Variants in GPRC6A observed in about 807,000 individuals in gnomAD.
GPRC6A encodes G protein-coupled receptor family C group 6 member A.
In GPRC6A, 54 loss-of-function variants were observed where a neutral mutation model predicts 47.0. The ratio of observed to expected loss-of-function variants is 1.15; its 90% CI spans 0.92 to 1.44. GPRC6A has a LOEUF of 1.44. Among genes scored for constraint, GPRC6A ranks in the 40% most tolerant of loss-of-function variants. The probability of loss-of-function intolerance (pLI) is 0.00; values close to 1 mark genes in which losing one functional copy is unlikely to be tolerated. For synonymous variants in GPRC6A, 347 were observed against 377.1 expected (o/e 0.92, Z 0.93); for missense variants, 1,112 against 1,105.5 (o/e 1.01, Z -0.08).
At chr6:116,800,165 C>T (rs1042501639) in intron 4 of GPRC6A, among the ~76,000 whole-genome samples, 1 of 151,852 alleles carries the variant, frequency 6.6e-6, no homozygotes, top group Admixed American at 6.6e-5. Context: ...TAAAATGAGA[C>T]TAGTCAGCAG....
rs189122206 is a variant in GPRC6A, at chr6:116,798,500, T to C, written c.1548+2084A>G. 3.5e-4 allele frequency among the ~76,000 whole-genome samples: 53 copies of C among 152,208 alleles called. 2 individuals are homozygous for C. The highest frequency in any genetic ancestry group is 1.5e-3 in the South Asian group (7 of 4,810). On this transcript the variant is annotated intron_variant, in intron 4 of 5. Coordinates refer to ENST00000310357, the MANE Select transcript of GPRC6A (RefSeq NM_148963.4). The stretch of plus-strand genomic sequence containing the variant: ...AGGTTGTGTAGAATTTTTAAAGATA[T>C]GGCTTTTACTCTCAGAGAAATAGGA...
intron 5 of GPRC6A, among the ~76,000 whole-genome samples, chr6:116,793,939 G>T (rs1438148558): frequency 6.6e-6 from 1 of 152,192 alleles, no homozygotes; most frequent in Non-Finnish European, 1.5e-5. Flanking sequence ...AATTGATGAA[G>T]AATTAAAGTT....
intron 2 of GPRC6A, among the ~76,000 whole-genome samples, chr6:116,808,346 AGTT>A (rs1294871172): frequency 3.3e-5 from 5 of 152,114 alleles, no homozygotes; most frequent in African/African-American, 4.8e-5. Flanking sequence ...TGCATTAGCC[AGTT>A]GTTGTTAAAA....
intron 1 of GPRC6A, among the ~76,000 whole-genome samples, chr6:116,825,737 C>T (rs199747657): frequency 6.6e-6 from 1 of 151,700 alleles, no homozygotes; most frequent in Non-Finnish European, 1.5e-5. Flanking sequence ...GGAGCAACAA[C>T]AAAAAAGCCA....
intron 1 of GPRC6A, among the ~76,000 whole-genome samples, chr6:116,820,191 G>C (rs1773411424): frequency 6.6e-6 from 1 of 151,810 alleles, no homozygotes; most frequent in Non-Finnish European, 1.5e-5. Context: ...ACCAATAACA[G>C]GATCTGAAAT....
chr6:116,812,427 G>A (rs1330170161), intron 1 of GPRC6A, among the ~76,000 whole-genome samples: 1 of 152,070 alleles, frequency 6.6e-6, no homozygotes, highest in African/African-American at 2.4e-5. Context: ...ACAAGAAAGT[G>A]TAAAACAATG....
chr6:116,815,729 A>T (rs1313019247), intron 1 of GPRC6A, among the ~76,000 whole-genome samples: 4 of 152,264 alleles, frequency 2.6e-5, no homozygotes, highest in Non-Finnish European at 4.4e-5. Context: ...GAAACTATAC[A>T]AATCAGCAGA....
At chr6:116,818,058 C>G (rs1383204708) in intron 1 of GPRC6A, among the ~76,000 whole-genome samples, 1 of 152,128 alleles carries the variant, frequency 6.6e-6, no homozygotes, top group Non-Finnish European at 1.5e-5. Context: ...TCGAGAAGAG[C>G]AACTCCAAGA....
At chr6:116,812,773 T>G (rs745941802) in intron 1 of GPRC6A, among the ~76,000 whole-genome samples, 4 of 152,036 alleles carry the variant, frequency 2.6e-5, no homozygotes, top group South Asian at 4.1e-4. Context: ...TCAGGCAAGA[T>G]AAAGAAATAA....
intron 2 of GPRC6A, among the ~76,000 whole-genome samples, chr6:116,808,772 G>A (rs909592859): frequency 6.6e-6 from 1 of 152,102 alleles, no homozygotes; most frequent in Non-Finnish European, 1.5e-5. Context: ...GAAAGCCAAA[G>A]AGACTTAATT....
Position 116,806,964 on chromosome 6 carries a change from G to A in GPRC6A, c.741C>T (p.Ala247=), listed in dbSNP as rs772421989. 7.7e-5 allele frequency: 125 copies of A among 1,613,538 alleles called. 2 individuals carry two copies. In the South Asian group the frequency reaches 1.3e-3, roughly 16 times the overall value. The change falls in exon 3 of 6, where the codon GCC becomes GCT. Residue 247 remains alanine (A), a synonymous_variant. Coordinates refer to ENST00000310357, the MANE Select transcript of GPRC6A (RefSeq NM_148963.4). ...CTTCAATGGTATTATCTGAAAGAAA[G>A]GCTGGAAGAACCTCTTTGAAGGCTA... is the stretch of plus-strand genomic sequence containing the variant. ...VCIAFKEVLP[A]FLSDNTIEVR...
chr6:116,803,296 G>C (rs1379263310), intron 3 of GPRC6A, among the ~76,000 whole-genome samples: 1 of 151,886 alleles, frequency 6.6e-6, no homozygotes, highest in Non-Finnish European at 1.5e-5. Flanking sequence ...TTACCAAATT[G>C]GTGTTTCTTC....
chr6:116,823,691 C>G (rs534355922), intron 1 of GPRC6A, among the ~76,000 whole-genome samples: 2 of 152,094 alleles, frequency 1.3e-5, no homozygotes, highest in East Asian at 3.9e-4. Flanking sequence ...ATACCTGAGA[C>G]TTAGTAATTT....
intron 1 of GPRC6A, among the ~76,000 whole-genome samples, chr6:116,821,074 CAGAG>C (rs1385088072): frequency 2.7e-5 from 4 of 149,362 alleles, no homozygotes; most frequent in African/African-American, 9.8e-5. Context: ...AACAGACAAA[CAGAG>C]AGCCAAATCA....
intron 1 of GPRC6A, among the ~76,000 whole-genome samples, chr6:116,822,891 TAAAAAAAAAAAA>T (rs757893318): frequency 1.7e-5 from 2 of 117,510 alleles, no homozygotes; most frequent in Non-Finnish European, 3.5e-5. Context: ...TACTAGTCTC[TAAAAAAAAAAAA>T]AAAAAAGAAA....
rs1772954541 is a variant in GPRC6A, at chr6:116,809,442, TG to T, written c.369del (p.Arg124GlufsTer21). On this transcript the variant is annotated frameshift_variant, in exon 2 of 6. Transcript: ENST00000310357. LOFTEE classifies it high-confidence loss of function. ...TLRFLSKFNC[S>X]RETVEFKCDY... Reference sequence around the variant, plus strand: ...TCACACTTAAACTCCACAGTTTCTCTGGAGCAGTTGAATTTAGAAAGAAACC... The same window carrying T: ...TCACACTTAAACTCCACAGTTTCTCTGAGCAGTTGAATTTAGAAAGAAACC... 1 of 1,613,636 alleles carries T rather than the reference TG, an allele frequency of 6.2e-7. No individual in the cohort carries two copies. The highest frequency in any genetic ancestry group is 1.7e-5 in the Admixed American group (1 of 59,894).
chr6:116,815,075 A>G (rs1773161916), intron 1 of GPRC6A, among the ~76,000 whole-genome samples: 1 of 152,220 alleles, frequency 6.6e-6, no homozygotes, highest in Non-Finnish European at 1.5e-5. Flanking sequence ...CAGATTCATA[A>G]AGCAAAAATT....
Position 116,792,235 on chromosome 6 carries a change from T to C in GPRC6A, c.2688A>G (p.Lys896=). 6.2e-7 allele frequency: 1 copy of C among 1,614,068 alleles called. No individual in the cohort carries two copies. The highest frequency in any genetic ancestry group is 2.2e-5 in the East Asian group (1 of 44,884). The change falls in exon 6 of 6, where the codon AAA becomes AAG. Residue 896 remains lysine, a synonymous_variant. Transcript: ENST00000310357. ...SGKSATWQKS[K]DLQAQAFAHI... ...GTGCAAATGCTTGTGCCTGAAGATC[T>C]TTGCTTTTCTGCCAGGTTGCAGACT...
intron 1 of GPRC6A, among the ~76,000 whole-genome samples, chr6:116,819,466 C>T (rs1446959230): frequency 1.3e-5 from 2 of 151,998 alleles, no homozygotes; most frequent in African/African-American, 2.4e-5. Context: ...AAGTAAAGCT[C>T]TCCTCAGCAA....
Sources: gnomAD v4.1 joint callset for allele counts (sites outside exome capture counted in the v4.1 genomes callset) on GRCh38, gnomAD v4.1.1 for gene constraint, MANE v1.5 for transcripts, NCBI Gene and HGNC (gene_info 2026-07-23, HGNC 2026-07-21) for gene names.